Variants in SUDS3 observed in about 807,000 individuals in gnomAD.
SUDS3 encodes sin3 histone deacetylase corepressor complex component SDS3.
In SUDS3, 23 loss-of-function variants were observed where a neutral mutation model predicts 53.5. That is an observed-to-expected ratio of 0.43 (90% CI 0.31 to 0.61). The LOEUF (loss-of-function observed/expected upper bound fraction) is 0.61. Ranked by LOEUF, SUDS3 falls within the 20% of genes least tolerant of loss-of-function variation. SUDS3 has a pLI of 0.10. For missense variants in SUDS3, 291 were observed against 405.9 expected, an observed-to-expected ratio of 0.72 and a Z score of 2.43; for synonymous variants, 150 against 148.5, an observed-to-expected ratio of 1.01 and a Z score of -0.08.
intron 1 of SUDS3, 61 bp downstream of exon 1, chr12:118,376,894 GGGGCTGTTCGGGAGAGGGGC>G: frequency 7.0e-7 from 1 of 1,426,682 alleles, no homozygotes; most frequent in Admixed American, 2.7e-5. Flanking sequence ...GGGAGGGGGT[GGGGCTGTTCGGGAGAGGGGC>G]GGGGCGGCCT....
chr12:118,390,835 A>G (rs1017632929), intron 5 of SUDS3, among the ~76,000 whole-genome samples: 1 of 152,232 alleles, frequency 6.6e-6, no homozygotes, highest in African/African-American at 2.4e-5. Context: ...CTGTAACTTT[A>G]TGAGCGATTA....
At chr12:118,410,571 ATTTATTTAT>A (rs2046349217) in intron 10 of SUDS3, among the ~76,000 whole-genome samples, 2 of 132,298 alleles carry the variant, frequency 1.5e-5, no homozygotes, top group Admixed American at 7.9e-5. Flanking sequence ...TTATTTATTT[ATTTATTTAT>A]TTTATTTATT....
intron 10 of SUDS3, among the ~76,000 whole-genome samples, chr12:118,406,927 C>T (rs1486801927): frequency 1.4e-5 from 2 of 147,936 alleles, no homozygotes; most frequent in South Asian, 2.2e-4. Context: ...GAGACAGGGT[C>T]TCACTGTCCC....
At chr12:118,377,959 A>C (rs1422820981) in intron 1 of SUDS3, among the ~76,000 whole-genome samples, 1 of 152,216 alleles carries the variant, frequency 6.6e-6, no homozygotes. Flanking sequence ...CAGCCTTACA[A>C]AAGACAGCTG....
chr12:118,394,021 G>A (rs1031433679), intron 6 of SUDS3, among the ~76,000 whole-genome samples: 2 of 152,092 alleles, frequency 1.3e-5, no homozygotes, highest in African/African-American at 4.8e-5. Context: ...GATCCTGCTG[G>A]TTGATAGCTG....
rs1025504714 is a variant in SUDS3 at position 118,416,808 on chromosome 12, G to A, written c.*2375G>A. 2.0e-5 allele frequency: 3 copies of A among 152,146 alleles called. No homozygotes were observed. Among genetic ancestry groups the A allele is most frequent in the South Asian group, 2.1e-4 (1 of 4,832 alleles). 9.4% of individuals were successfully genotyped at this position (152,146 alleles called of 1,614,324 possible). ...CTTTGAAGTTTCTAGACGAGAAGGA[G>A]GCTAGCTTCTAGCCTGGGTGGCCAT... On this transcript the variant is annotated 3_prime_UTR_variant, in exon 12 of 12. Transcript: ENST00000543473.
chr12:118,402,584 G>A lies in SUDS3; in HGVS notation c.697+580G>A, dbSNP rs143490570. 3.2e-3 allele frequency: 485 copies of A among 152,890 alleles called. 8 individuals carry two copies. Among genetic ancestry groups the A allele is most frequent in the Middle Eastern group, 0.01 (3 of 294 alleles). The allele number at this position is 152,890 out of a possible 1,614,324, so 9.5% of individuals were successfully genotyped here. On this transcript the variant is annotated intron_variant, in intron 9 of 11. Transcript: ENST00000543473. ...AAGCACCATGATTACTCGATTACTCGATTACTCACACATCCCTCTACTTAC... is the reference window on the plus strand; with the variant it reads ...AAGCACCATGATTACTCGATTACTCAATTACTCACACATCCCTCTACTTAC...
chr12:118,390,426 A>G lies in SUDS3; in HGVS notation c.360+480A>G, dbSNP rs534427557. Among the ~76,000 whole-genome samples the G allele has an allele frequency of 2.8e-4, 42 of 152,366 alleles. No individual in the cohort carries two copies. In the East Asian group the frequency reaches 7.5e-3, roughly 27 times the overall value. On this transcript the variant is annotated intron_variant, in intron 5 of 11. Transcript: ENST00000543473. ...ACAGAGATGAGGGCCTGAATCTTGA[A>G]TGATGTACTGCTCCCAGAGTGGCTA...
chr12:118,387,886 A>G (rs2046129661), intron 4 of SUDS3, among the ~76,000 whole-genome samples: 2 of 152,142 alleles, frequency 1.3e-5, no homozygotes, highest in African/African-American at 4.8e-5. Context: ...TCTCTCTCCT[A>G]GGTAAAAATG....
Position 118,397,850 on chromosome 12 carries a change from G to A in SUDS3, c.518-2809G>A, listed in dbSNP as rs77008860. 6.5e-3 allele frequency among the ~76,000 whole-genome samples: 986 copies of A among 151,802 alleles called. 13 individuals carry two copies. The highest frequency in any genetic ancestry group is 0.022 in the African/African-American group (929 of 41,328). The stretch of plus-strand genomic sequence containing the variant: ...ACTTGGCTTACATCCATCATGCATT[G>A]TCCACCCTCCCCACTCCCCAGTCTT... On this transcript the variant is annotated intron_variant, in intron 6 of 11. Transcript: ENST00000543473.
chr12:118,386,433 C>T (rs765095857), intron 4 of SUDS3, among the ~76,000 whole-genome samples: 3 of 152,172 alleles, frequency 2.0e-5, no homozygotes, highest in African/African-American at 4.8e-5. Flanking sequence ...GTTGTTCTCC[C>T]TGGTACCCCA....
chr12:118,401,858 G>A, intron 8 of SUDS3, 38 bp downstream of exon 8: 2 of 1,607,084 alleles, frequency 1.2e-6, no homozygotes, highest in Non-Finnish European at 1.7e-6. Flanking sequence ...GAAAACTCAG[G>A]CTTTTGTGGT....
chr12:118,406,593 C>G (rs2046310429), intron 10 of SUDS3, among the ~76,000 whole-genome samples: 1 of 152,008 alleles, frequency 6.6e-6, no homozygotes, highest in Non-Finnish European at 1.5e-5. Flanking sequence ...GTCAGAATTT[C>G]CATTAGTTAC....
At chr12:118,377,146 C>T (rs1205325961) in intron 1 of SUDS3, among the ~76,000 whole-genome samples, 1 of 152,090 alleles carries the variant, frequency 6.6e-6, no homozygotes, top group African/African-American at 2.4e-5. Flanking sequence ...ATTAGAAACT[C>T]ATTTACTGAA....
At chr12:118,386,974 G>A (rs1371225124) in intron 4 of SUDS3, among the ~76,000 whole-genome samples, 2 of 152,172 alleles carry the variant, frequency 1.3e-5, no homozygotes, top group African/African-American at 2.4e-5. Context: ...TTGTTCCTGC[G>A]ATGGTAGAAG....
chr12:118,399,166 C>T (rs1261431371), intron 6 of SUDS3, among the ~76,000 whole-genome samples: 1 of 152,062 alleles, frequency 6.6e-6, no homozygotes, highest in Non-Finnish European at 1.5e-5. Flanking sequence ...AGAAATGAGG[C>T]CTGGCTTATA....
chr12:118,413,877 A>T (rs967013033), intron 11 of SUDS3, among the ~76,000 whole-genome samples: 1 of 152,178 alleles, frequency 6.6e-6, no homozygotes, highest in Non-Finnish European at 1.5e-5. Flanking sequence ...CTGCACAACC[A>T]TTAGCCTTCA....
At chr12:118,380,281 T>G in intron 2 of SUDS3, 50 bp downstream of exon 2, 1 of 1,473,940 alleles carries the variant, frequency 6.8e-7, no homozygotes, top group Non-Finnish European at 9.3e-7. Flanking sequence ...TGACAACATC[T>G]TTATATAGAT....
chr12:118,408,150 C>T (rs987709267), intron 10 of SUDS3, among the ~76,000 whole-genome samples: 2 of 152,152 alleles, frequency 1.3e-5, no homozygotes, highest in African/African-American at 4.8e-5. Flanking sequence ...ATACCCGCCT[C>T]GGCCTCCCAA....
Sources: gnomAD v4.1 joint callset for allele counts (sites outside exome capture counted in the v4.1 genomes callset) on GRCh38, gnomAD v4.1.1 for gene constraint, MANE v1.5 for transcripts, NCBI Gene and HGNC (gene_info 2026-07-23, HGNC 2026-07-21) for gene names.